MYLK4: variants seen among roughly 807,000 people sequenced by gnomAD.
MYLK4 encodes the protein caMLCK like.
MYLK4 carries 46 observed loss-of-function variants against 48.1 expected under a neutral mutation model. The observed-to-expected ratio is 0.96, with a 90% CI of 0.75 to 1.22. MYLK4 has a LOEUF of 1.22. Among genes scored for constraint, MYLK4 ranks in the 50% most tolerant of loss-of-function variants. The pLI is 0.00. For missense variants in MYLK4, 451 were observed against 486.1 expected (o/e 0.93, Z 0.68); for synonymous variants, 170 against 180.8 (o/e 0.94, Z 0.48).
At chr6:2,758,335 C>A in the MYLK4 span, among the ~76,000 whole-genome samples, 1 of 147,626 alleles carries the variant, frequency 6.8e-6, no homozygotes, top group Admixed American at 6.7e-5. Flanking sequence ...TTTATCAGGA[C>A]ATATATATTA....
chr6:2,702,666 A>G (rs1279790005), intron 2 of MYLK4, among the ~76,000 whole-genome samples: 1 of 152,240 alleles, frequency 6.6e-6, no homozygotes, highest in Non-Finnish European at 1.5e-5. Flanking sequence ...ACCACAAAAC[A>G]GTGTTAAGTT....
chr6:2,765,822 C>T, the MYLK4 span: 2 of 1,357,256 alleles, frequency 1.5e-6, no homozygotes, highest in Non-Finnish European at 1.9e-6. Flanking sequence ...CCCTCGCCGC[C>T]CGGCGCCAAG....
intron 2 of MYLK4, among the ~76,000 whole-genome samples, chr6:2,697,207 A>G (rs1762095132): frequency 6.6e-6 from 1 of 152,256 alleles, no homozygotes. Context: ...AATTGTAGAT[A>G]ACACCGTGCT....
At chr6:2,717,013 T>C (rs1762887839) in intron 2 of MYLK4, among the ~76,000 whole-genome samples, 1 of 152,216 alleles carries the variant, frequency 6.6e-6, no homozygotes, top group East Asian at 1.9e-4. Context: ...TAGGCCTTAA[T>C]GGAGAAGTGG....
chr6:2,685,647 C>T lies in MYLK4; in HGVS notation c.342-71G>A. 3 of 1,378,814 alleles carry T rather than the reference C, an allele frequency of 2.2e-6. No homozygotes were observed. Among genetic ancestry groups the T allele is most frequent in the African/African-American group, 2.8e-5 (2 of 70,588 alleles). 85.4% of individuals were successfully genotyped at this position (1,378,814 alleles called of 1,614,324 possible). A position where few individuals can be genotyped will look rare whatever the true frequency, so the allele number is the denominator to read the frequency against. On this transcript the variant is annotated intron_variant, in intron 4 of 12. Transcript: ENST00000274643. The surrounding 1 kb of genome is among the most constrained non-coding windows in gnomAD (Gnocchi z 4.5). ...TGCCGAGTGGACAGCGCACAGTGGC[C>T]CCAGTATTTCTCCTGCTGAGTCTGG...
At chr6:2,677,619 A>G (rs1003637359) in intron 10 of MYLK4, among the ~76,000 whole-genome samples, 2 of 152,192 alleles carry the variant, frequency 1.3e-5, no homozygotes, top group African/African-American at 2.4e-5. Flanking sequence ...TGGTTTTAGC[A>G]TAACAGAAAA....
chr6:2,702,350 G>A (rs1762316875), intron 2 of MYLK4, among the ~76,000 whole-genome samples: 1 of 152,156 alleles, frequency 6.6e-6, no homozygotes, highest in South Asian at 2.1e-4. Flanking sequence ...AGGCAGTCAG[G>A]ATTAATGCAA....
chr6:2,712,512 C>T (rs1762709910), intron 2 of MYLK4, among the ~76,000 whole-genome samples: 1 of 152,164 alleles, frequency 6.6e-6, no homozygotes, highest in Admixed American at 6.5e-5. Flanking sequence ...CAATGAAAAC[C>T]CAGCAAATTC....
At chr6:2,692,669 C>G in intron 3 of MYLK4, 115 bp downstream of exon 3, 1 of 292,492 alleles carries the variant, frequency 3.4e-6, no homozygotes, top group Non-Finnish European at 5.4e-6. Flanking sequence ...TTTTTATAAA[C>G]ATCACTTCTT....
rs1761503822 is a variant in MYLK4 at position 2,685,565 on chromosome 6, C to A, written c.353G>T (p.Gly118Val). The A allele has an allele frequency of 4.3e-6, 7 of 1,614,122 alleles. No homozygotes were observed. Among genetic ancestry groups the A allele is most frequent in the Non-Finnish European group, 5.9e-6 (7 of 1,180,008 alleles). The part of the protein sequence containing the change: ...KTEILGGGRF[G>V]QVHKCEETAT... Reference sequence around the variant, plus strand: ...CGTCTCCTCACACTTGTGAACCTGGCCGAAACGCCCTCTGCCAAAAAGAGG... The same window carrying A: ...CGTCTCCTCACACTTGTGAACCTGGACGAAACGCCCTCTGCCAAAAAGAGG... The change falls in exon 5 of 13, where the codon GGC becomes GTC. Residue 118 changes from glycine (G) to valine (V), a missense_variant. By Grantham distance (109) the Gly-to-Val change is moderately radical (BLOSUM62 -3). Coordinates refer to ENST00000274643, the MANE Select transcript of MYLK4 (RefSeq NM_001012418.5). The surrounding 1 kb of genome is among the most constrained non-coding windows in gnomAD (Gnocchi z 4.5).
chr6:2,758,629 C>A, the MYLK4 span, among the ~76,000 whole-genome samples: 1 of 152,200 alleles, frequency 6.6e-6, no homozygotes, highest in African/African-American at 2.4e-5. Context: ...TAAATCTTTT[C>A]AATAATTTCC....
chr6:2,763,027 A>C, the MYLK4 span, among the ~76,000 whole-genome samples: 1 of 152,242 alleles, frequency 6.6e-6, no homozygotes, highest in Non-Finnish European at 1.5e-5. Context: ...CTCCATCGCC[A>C]GCTCTAGCAG....
chr6:2,685,191 C>CGAGCTT lies in MYLK4; in HGVS notation c.545+99_545+104dup. On this transcript the variant is annotated intron_variant, in intron 6 of 12. Coordinates refer to ENST00000274643, the MANE Select transcript of MYLK4 (RefSeq NM_001012418.5). The surrounding 1 kb of genome is among the most constrained non-coding windows in gnomAD (Gnocchi z 4.5). Reference sequence around the variant, plus strand: ...CCGCGCGAATCAGAGTCTGCGGGGGCGAGCTTGGTTCTGGTCCCGCTACAG... The same window carrying CGAGCTT: ...CCGCGCGAATCAGAGTCTGCGGGGGCGAGCTTGAGCTTGGTTCTGGTCCCGCTACAG... The CGAGCTT allele has an allele frequency of 1.3e-6, 1 of 781,288 alleles. No homozygotes were observed. The highest frequency in any genetic ancestry group is 2.3e-6 in the Non-Finnish European group (1 of 443,094). 48.4% of individuals were successfully genotyped at this position (781,288 alleles called of 1,614,324 possible).
intron 11 of MYLK4, among the ~76,000 whole-genome samples, chr6:2,674,834 G>A (rs1353247425): frequency 2.0e-5 from 3 of 152,188 alleles, no homozygotes; most frequent in Non-Finnish European, 4.4e-5. Context: ...TCGTGCCATT[G>A]CACTCTAGTT....
chr6:2,766,484 C>T, the MYLK4 span: 14 of 1,461,038 alleles, frequency 9.6e-6, no homozygotes, highest in South Asian at 5.5e-5. Context: ...GTAGTTATCT[C>T]GGCGGTGGAT....
At chr6:2,670,763 G>A (rs886732357) in intron 12 of MYLK4, among the ~76,000 whole-genome samples, 5 of 152,104 alleles carry the variant, frequency 3.3e-5, no homozygotes, top group African/African-American at 7.2e-5. Flanking sequence ...AGCAGCTCAG[G>A]GGATTAAAAA....
chr6:2,768,015 G>A, the MYLK4 span, among the ~76,000 whole-genome samples: 3 of 152,090 alleles, frequency 2.0e-5, no homozygotes, highest in Non-Finnish European at 4.4e-5. Flanking sequence ...TCATCCTTTA[G>A]TACTAATAAC....
chr6:2,765,207 C>T, the MYLK4 span, among the ~76,000 whole-genome samples: 2 of 89,070 alleles, frequency 2.2e-5, no homozygotes, highest in Non-Finnish European at 5.6e-5. Context: ...CCTCCCCCGC[C>T]CCCGCAAAGG....
intron 2 of MYLK4, chr6:2,743,964 A>G (rs756204383): frequency 7.5e-6 from 3 of 398,820 alleles, no homozygotes; most frequent in Non-Finnish European, 1.3e-5. Flanking sequence ...ATCAAGCACC[A>G]GAGAACTGAA....
Sources: gnomAD v4.1 joint callset for allele counts (sites outside exome capture counted in the v4.1 genomes callset) on GRCh38, gnomAD v4.1.1 for gene constraint, Gnocchi (gnomAD v3.1) non-coding constraint, MANE v1.5 for transcripts, NCBI Gene and HGNC (gene_info 2026-07-23, HGNC 2026-07-21) for gene names.